Variants in RPS6KA5 observed in about 807,000 individuals in gnomAD.
RPS6KA5 encodes the protein ribosomal protein S6 kinase alpha-5.
A neutral mutation model predicts 85.5 loss-of-function variants in RPS6KA5; 27 were observed. That is an observed-to-expected ratio of 0.32 (90% CI 0.23 to 0.44). The LOEUF is 0.44. Among genes scored for constraint, RPS6KA5 ranks in the 20% least tolerant of loss-of-function variants. The probability of loss-of-function intolerance (pLI) is 1.00; values close to 1 mark genes in which losing one functional copy is unlikely to be tolerated. For synonymous variants in RPS6KA5, 334 were observed against 348.2 expected (o/e 0.96, Z 0.46); for missense variants, 811 against 980.9 (o/e 0.83, Z 2.31).
At chr14:91,014,629 CCTTA>C (rs2041405413) in intron 1 of RPS6KA5, among the ~76,000 whole-genome samples, 1 of 151,962 alleles carries the variant, frequency 6.6e-6, no homozygotes, top group South Asian at 2.1e-4. Flanking sequence ...CAAAGTTAAT[CCTTA>C]CTTATTAGAA....
chr14:91,044,404 A>G (rs561897657), intron 1 of RPS6KA5, among the ~76,000 whole-genome samples: 2 of 136,852 alleles, frequency 1.5e-5, no homozygotes, highest in African/African-American at 5.9e-5. Flanking sequence ...AAAGAAAGAA[A>G]GAAAGAAAGA....
At chr14:90,878,974 T>C (rs1301975398) in intron 14 of RPS6KA5, among the ~76,000 whole-genome samples, 1 of 152,180 alleles carries the variant, frequency 6.6e-6, no homozygotes, top group East Asian at 1.9e-4. Context: ...GATGAGACTC[T>C]CTCGCAGCCA....
chr14:91,024,875 C>G lies in RPS6KA5; in HGVS notation c.104-23716G>C, dbSNP rs1283597593. Among the ~76,000 whole-genome samples, 4 of 152,088 alleles carry G rather than the reference C, an allele frequency of 2.6e-5. No individual in the cohort carries two copies. The East Asian group carries it at 7.7e-4, about 29-fold the overall frequency. On this transcript the variant is annotated intron_variant, in intron 1 of 16. Transcript: ENST00000614987. ...GGACTCTCGCCTTTTTTTCATAGAGCCAATTTTTTTTTTAAATTTTTTTTG... is the reference window on the plus strand; with the variant it reads ...GGACTCTCGCCTTTTTTTCATAGAGGCAATTTTTTTTTTAAATTTTTTTTG...
chr14:91,013,543 CTGCAATTAG>C (rs60567795), intron 1 of RPS6KA5, among the ~76,000 whole-genome samples: 24,788 of 152,016 alleles, frequency 0.16, 2,127 homozygotes, highest in East Asian at 0.31. Context: ...ATCTGAGAAT[CTGCAATTAG>C]TGCAGACAGG....
At chr14:91,026,397 AT>A (rs35072248) in intron 1 of RPS6KA5, among the ~76,000 whole-genome samples, 8 of 149,708 alleles carry the variant, frequency 5.3e-5, no homozygotes, top group African/African-American at 9.8e-5. Flanking sequence ...TACCTAGCTA[AT>A]TTTTTTTTTC....
intron 1 of RPS6KA5, among the ~76,000 whole-genome samples, chr14:91,041,040 A>T (rs1043079408): frequency 6.6e-6 from 1 of 152,204 alleles, no homozygotes; most frequent in African/African-American, 2.4e-5. Context: ...AGAAATAACT[A>T]GAGGGCGACA....
chr14:91,044,104 G>A (rs1279280955), intron 1 of RPS6KA5, among the ~76,000 whole-genome samples: 1 of 151,944 alleles, frequency 6.6e-6, no homozygotes, highest in Non-Finnish European at 1.5e-5. Context: ...GTGGGCACTT[G>A]TAATCCCAGC....
chr14:90,928,527 T>A (rs1595241744), intron 5 of RPS6KA5, among the ~76,000 whole-genome samples: 1 of 151,688 alleles, frequency 6.6e-6, no homozygotes, highest in Non-Finnish European at 1.5e-5. Context: ...AAATGAATAA[T>A]ATCAGTAATT....
At chr14:90,891,962 T>C (rs1449773036) in intron 13 of RPS6KA5, among the ~76,000 whole-genome samples, 7 of 151,772 alleles carry the variant, frequency 4.6e-5, no homozygotes, top group Non-Finnish European at 8.8e-5. Context: ...GTTTATTCTA[T>C]ATTAAGATTG....
At chr14:90,906,618 TATATAGACTAGACTCTATGA>T (rs2035519945) in intron 7 of RPS6KA5, among the ~76,000 whole-genome samples, 1 of 152,148 alleles carries the variant, frequency 6.6e-6, no homozygotes, top group Admixed American at 6.5e-5. Context: ...AGACCTCTCG[TATATAGACTAGACTCTATGA>T]TTAAAGACTT....
chr14:90,885,331 T>C (rs1274838857), intron 14 of RPS6KA5, among the ~76,000 whole-genome samples: 1 of 149,626 alleles, frequency 6.7e-6, no homozygotes, highest in Non-Finnish European at 1.5e-5. Flanking sequence ...GGTGGGCAGA[T>C]CATGAGGTCA....
chr14:90,937,919 C>A (rs115365950), intron 5 of RPS6KA5, among the ~76,000 whole-genome samples: 120 of 152,274 alleles, frequency 7.9e-4, no homozygotes, highest in African/African-American at 2.8e-3. Context: ...CCTGGCATGT[C>A]CTCACATTTC....
In RPS6KA5 at chr14:90,849,687, GAAAGGAAAGGCCA is replaced by G. The variant is rs1453254705; in HGVS notation, c.*22374_*22386del. 6.6e-6 allele frequency: 1 copy of G among 152,232 alleles called. No individual in the cohort carries two copies. Among genetic ancestry groups the G allele is most frequent in the East Asian group, 1.9e-4 (1 of 5,208 alleles). The allele number at this position is 152,232 out of a possible 1,614,324, so 9.4% of individuals were successfully genotyped here. A position where few individuals can be genotyped will look rare whatever the true frequency, so the allele number is the denominator to read the frequency against. ...GGGCTGGTGGGGAGGCAGAGAGAGAGAAAGGAAAGGCCAAAAGGAAAGTTAAAGGGATTTACTT... is the reference window on the plus strand; with the variant it reads ...GGGCTGGTGGGGAGGCAGAGAGAGAGAAAGGAAAGTTAAAGGGATTTACTT... On this transcript the variant is annotated 3_prime_UTR_variant, in exon 17 of 17. Coordinates refer to ENST00000614987, the MANE Select transcript of RPS6KA5 (RefSeq NM_004755.4).
In RPS6KA5 at chr14:90,923,292, T is replaced by C. The variant is rs115738261; in HGVS notation, c.619-96A>G. 1,765 of 935,898 alleles carry C rather than the reference T, an allele frequency of 1.9e-3. 21 individuals are homozygous for C. The African/African-American group carries it at 0.025, about 13-fold the overall frequency. The allele number at this position is 935,898 out of a possible 1,614,324, so 58.0% of individuals were successfully genotyped here. On this transcript the variant is annotated intron_variant, in intron 5 of 16. Transcript: ENST00000614987. ...ACATGTTAGTGGTTGAGATACACTA[T>C]AGTGGCAAAGTAGTGGTAGAATCTA...
intron 3 of RPS6KA5, among the ~76,000 whole-genome samples, chr14:90,975,927 G>C (rs1419811534): frequency 6.6e-6 from 1 of 152,156 alleles, no homozygotes; most frequent in Non-Finnish European, 1.5e-5. Flanking sequence ...ACTGTGGAAT[G>C]AATATGTTGT....
chr14:90,910,483 G>A (rs1464229550), intron 7 of RPS6KA5, among the ~76,000 whole-genome samples: 3 of 151,898 alleles, frequency 2.0e-5, no homozygotes, highest in Non-Finnish European at 4.4e-5. Context: ...GAGTGTGTGA[G>A]TGTCCACTGT....
At chr14:90,938,550 C>T (rs2037404991) in intron 5 of RPS6KA5, among the ~76,000 whole-genome samples, 2 of 152,246 alleles carry the variant, frequency 1.3e-5, no homozygotes, top group Non-Finnish European at 2.9e-5. Flanking sequence ...CTGCAGCAAA[C>T]GTCTGCCTGG....
chr14:90,940,607 C>G (rs957806166), intron 5 of RPS6KA5, among the ~76,000 whole-genome samples: 3 of 152,210 alleles, frequency 2.0e-5, no homozygotes, highest in African/African-American at 7.2e-5. Flanking sequence ...CCACACACAC[C>G]TATAAACAGA....
chr14:90,956,655 C>T (rs1481650907), intron 3 of RPS6KA5, among the ~76,000 whole-genome samples: 2 of 150,276 alleles, frequency 1.3e-5, no homozygotes, highest in African/African-American at 4.9e-5. Context: ...TCCTTTAATA[C>T]TTTCTCATTT....
Sources: gnomAD v4.1 joint callset for allele counts (sites outside exome capture counted in the v4.1 genomes callset) on GRCh38, gnomAD v4.1.1 for gene constraint, MANE v1.5 for transcripts, NCBI Gene and HGNC (gene_info 2026-07-23, HGNC 2026-07-21) for gene names.